Variants in GABBR2 observed in about 807,000 individuals in gnomAD.
GABBR2 encodes the protein G-protein coupled receptor 51.
Under a neutral mutation model 105.6 loss-of-function variants are expected in GABBR2, and 23 were observed. The ratio of observed to expected loss-of-function variants is 0.22; its 90% confidence interval spans 0.16 to 0.31. The LOEUF is 0.31. GABBR2 is among the 10% of genes least tolerant of loss of function. The probability of loss-of-function intolerance (pLI) is 1.00; values close to 1 mark genes in which losing one functional copy is unlikely to be tolerated. For missense variants in GABBR2, 734 were observed against 1,245.5 expected (o/e 0.59, Z 6.18); for synonymous variants, 478 against 499.7 (o/e 0.96, Z 0.58).
chr9:98,693,231 T>C (rs1292551576), intron 1 of GABBR2, among the ~76,000 whole-genome samples: 1 of 152,186 alleles, frequency 6.6e-6, no homozygotes, highest in East Asian at 1.9e-4. Context: ...ATGAGGTCAA[T>C]CTTGGGACAG....
chr9:98,656,099 C>G (rs1830179628), intron 1 of GABBR2, among the ~76,000 whole-genome samples: 1 of 152,092 alleles, frequency 6.6e-6, no homozygotes, highest in Non-Finnish European at 1.5e-5. Flanking sequence ...ATGGAAGGAA[C>G]AGAGAGGAGG....
chr9:98,313,163 G>A (rs557215715), intron 13 of GABBR2, among the ~76,000 whole-genome samples: 1 of 152,334 alleles, frequency 6.6e-6, no homozygotes, highest in East Asian at 1.9e-4. Context: ...TGCCTTCTAT[G>A]TTTTTTCCAC....
intron 4 of GABBR2, among the ~76,000 whole-genome samples, chr9:98,481,217 C>T (rs530950454): frequency 1.3e-5 from 2 of 152,316 alleles, no homozygotes; most frequent in Admixed American, 1.3e-4. Context: ...GTCAGTCCAC[C>T]CTGGTCTCAT....
At chr9:98,435,525 T>C (rs964231716) in intron 7 of GABBR2, among the ~76,000 whole-genome samples, 26 of 152,188 alleles carry the variant, frequency 1.7e-4, no homozygotes, top group African/African-American at 6.0e-4. Flanking sequence ...TGCTTTGCTC[T>C]GACCTGCTCT....
At chr9:98,552,628 C>T (rs1828509851) in intron 2 of GABBR2, among the ~76,000 whole-genome samples, 1 of 152,154 alleles carries the variant, frequency 6.6e-6, no homozygotes, top group Non-Finnish European at 1.5e-5. Context: ...CAAAGCATTT[C>T]CCAAGTTAAC....
intron 12 of GABBR2, among the ~76,000 whole-genome samples, chr9:98,365,574 T>C (rs771982281): frequency 6.6e-5 from 10 of 152,256 alleles, no homozygotes; most frequent in African/African-American, 9.6e-5. Flanking sequence ...TTAGGCTAAG[T>C]AGTTATGAAT....
chr9:98,402,913 G>A (rs1021717312), intron 8 of GABBR2, among the ~76,000 whole-genome samples: 7 of 152,026 alleles, frequency 4.6e-5, no homozygotes, highest in Non-Finnish European at 1.0e-4. Context: ...GTGTTGATAC[G>A]CATATGCCCC....
At chr9:98,569,090 C>T (rs1232892699) in intron 2 of GABBR2, among the ~76,000 whole-genome samples, 1 of 152,164 alleles carries the variant, frequency 6.6e-6, no homozygotes, top group East Asian at 1.9e-4. Context: ...GAGACCAGTG[C>T]AAAGAAATGG....
At position 98,443,835 on chromosome 9, in the gene GABBR2, T is replaced by C. The variant is rs527520300; in HGVS notation, c.1236+10146A>G. On this transcript the variant is annotated intron_variant, in intron 7 of 18. Coordinates refer to ENST00000259455, the MANE Select transcript of GABBR2 (RefSeq NM_005458.8). ...ACCGTTACATCCTTCACTATTAATA[T>C]GGGGATGGTAGTACCTGCTCTCTCT... Among the ~76,000 whole-genome samples the C allele has an allele frequency of 2.0e-5, 3 of 152,244 alleles. No individual in the cohort carries two copies. In the South Asian group the frequency reaches 6.2e-4, roughly 32 times the overall value.
intron 7 of GABBR2, among the ~76,000 whole-genome samples, chr9:98,418,561 C>A (rs1218657188): frequency 6.6e-6 from 1 of 151,550 alleles, no homozygotes; most frequent in African/African-American, 2.4e-5. Flanking sequence ...AACAAAAAAA[C>A]CCAAAAATCC....
chr9:98,577,230 C>CGAATGGATGGGGG (rs1554718819), intron 2 of GABBR2, among the ~76,000 whole-genome samples: 2 of 2,246 alleles, frequency 8.9e-4, no homozygotes, highest in African/African-American at 1.8e-3. Context: ...ATGGATGGAG[C>CGAATGGATGGGGG]AAAAAAGTAA....
At chr9:98,557,923 T>G (rs1386458806) in intron 2 of GABBR2, among the ~76,000 whole-genome samples, 1 of 152,198 alleles carries the variant, frequency 6.6e-6, no homozygotes, top group Non-Finnish European at 1.5e-5. Context: ...GATTACAGGT[T>G]CATCAAAGAG....
chr9:98,510,719 A>G (rs1467092756), intron 3 of GABBR2, among the ~76,000 whole-genome samples: 6 of 151,840 alleles, frequency 4.0e-5, no homozygotes, highest in Admixed American at 6.6e-5. Context: ...AAGAAGAGCT[A>G]ACTATCCTAA....
At chr9:98,434,127 GC>G (rs2131577177) in intron 7 of GABBR2, among the ~76,000 whole-genome samples, 1 of 152,256 alleles carries the variant, frequency 6.6e-6, no homozygotes, top group South Asian at 2.1e-4. Flanking sequence ...AACGTGAAAA[GC>G]CTAGACTGGC....
intron 2 of GABBR2, among the ~76,000 whole-genome samples, chr9:98,545,147 G>T (rs1828375771): frequency 6.6e-6 from 1 of 152,008 alleles, no homozygotes; most frequent in Admixed American, 6.6e-5. Flanking sequence ...TTAGTTCCAG[G>T]TCCACAATTA....
chr9:98,609,501 G>T (rs1349903644), intron 1 of GABBR2, among the ~76,000 whole-genome samples: 1 of 152,142 alleles, frequency 6.6e-6, no homozygotes, highest in Non-Finnish European at 1.5e-5. Flanking sequence ...CATTTCATTG[G>T]GTGATTTTTC....
chr9:98,409,772 G>C (rs1337890762), intron 7 of GABBR2, among the ~76,000 whole-genome samples: 1 of 152,176 alleles, frequency 6.6e-6, no homozygotes, highest in Non-Finnish European at 1.5e-5. Context: ...CCTGGGATTG[G>C]CTGAGCTCAT....
At chr9:98,590,737 T>G (rs1829135375) in intron 1 of GABBR2, among the ~76,000 whole-genome samples, 1 of 152,220 alleles carries the variant, frequency 6.6e-6, no homozygotes. Context: ...CATTCCACAT[T>G]TGTGGGGCAC....
rs770193688 is a variant in GABBR2 at position 98,708,549 on chromosome 9, C to A, written c.189G>T (p.Pro63=). The change falls in exon 1 of 19, where the codon CCG becomes CCT. Residue 63 remains proline (P), a synonymous_variant. Coordinates refer to ENST00000259455, the MANE Select transcript of GABBR2 (RefSeq NM_005458.8). ...SPPLSIMGLM[P]LTKEVAKGSI... ...TGCCCTTGGCCACCTCCTTGGTGAG[C>A]GGCATGAGGCCCATGATGGAGAGCG... The A allele has an allele frequency of 9.4e-6, 15 of 1,591,772 alleles. No homozygotes were observed. The Admixed American group carries it at 1.2e-4, about 13-fold the overall frequency.
Sources: allele counts gnomAD v4.1 joint callset (sites outside exome capture counted in the v4.1 genomes callset), GRCh38; gene constraint gnomAD v4.1.1; transcripts MANE v1.5; gene names NCBI Gene and HGNC (gene_info 2026-07-23, HGNC 2026-07-21).